PLCG2: variants seen among roughly 807,000 people sequenced by gnomAD.
PLCG2 encodes the protein phospholipase C gamma 2, also known as 1-phosphatidylinositol 4,5-bisphosphate phosphodiesterase gamma-2.
In PLCG2, 69 loss-of-function variants were observed where a neutral mutation model predicts 175.6. That is an observed-to-expected ratio of 0.39 (90% CI 0.32 to 0.48). The LOEUF (loss-of-function observed/expected upper bound fraction) is 0.48, where lower values mean the gene tolerates loss of function less well. PLCG2 is among the 20% of genes least tolerant of loss of function. The pLI, the probability that PLCG2 is intolerant of heterozygous loss-of-function variation, is 0.91. For missense variants in PLCG2, 1,798 were observed against 1,650.9 expected, an observed-to-expected ratio of 1.09 and a Z score of -1.54; for synonymous variants, 827 against 624.0, an observed-to-expected ratio of 1.33 and a Z score of -4.85.
At chr16:81,893,273 C>A (rs966730619) in intron 11 of PLCG2, among the ~76,000 whole-genome samples, 13 of 152,210 alleles carry the variant, frequency 8.5e-5, no homozygotes, top group Admixed American at 2.0e-4. Flanking sequence ...GCCGATTGCA[C>A]CAACAGTTGT....
chr16:81,882,399 G>C (rs1218136606), intron 8 of PLCG2, among the ~76,000 whole-genome samples: 2 of 152,122 alleles, frequency 1.3e-5, no homozygotes, highest in African/African-American at 4.8e-5. Flanking sequence ...CTGGAGTCTG[G>C]TGGGGCCTCA....
At chr16:81,942,697 G>A (rs545990537) in intron 30 of PLCG2, among the ~76,000 whole-genome samples, 89 of 152,178 alleles carry the variant, frequency 5.8e-4, no homozygotes, top group African/African-American at 1.9e-3. Context: ...CTTTGAGGCC[G>A]AGAGACTATG....
chr16:81,959,202 C>G lies in PLCG2; in HGVS notation c.*1204C>G. 4.4e-6 allele frequency: 1 copy of G among 226,048 alleles called. No individual in the cohort carries two copies. The highest frequency in any genetic ancestry group is 8.8e-6 in the Non-Finnish European group (1 of 113,540). The allele number at this position is 226,048 out of a possible 1,614,324, so 14.0% of individuals were successfully genotyped here. ...GGAAAAGGAGTGTAACTGTGAAAAA[C>G]GATGGCTGTGGTGGGGAAGAACAAA... On this transcript the variant is annotated 3_prime_UTR_variant, in exon 33 of 33. Transcript: ENST00000564138.
At chr16:81,830,623 AAAC>A (rs956343681) in intron 2 of PLCG2, among the ~76,000 whole-genome samples, 9 of 150,602 alleles carry the variant, frequency 6.0e-5, no homozygotes, top group African/African-American at 2.0e-4. Flanking sequence ...GTGTCTTAAA[AAAC>A]AACAACAAAA....
intron 2 of PLCG2, among the ~76,000 whole-genome samples, chr16:81,756,584 G>A (rs558450748): frequency 6.6e-6 from 1 of 152,308 alleles, no homozygotes. Flanking sequence ...GGACAGGGGA[G>A]GCCAGGCACA....
chr16:81,872,269 AGTGAG>A (rs1469269861), intron 7 of PLCG2, among the ~76,000 whole-genome samples: 27 of 152,222 alleles, frequency 1.8e-4, no homozygotes, highest in Non-Finnish European at 4.4e-5. Flanking sequence ...CGGAGGTTGC[AGTGAG>A]CCGAGATTGC....
chr16:81,744,052 G>T (rs1302437505), intron 1 of PLCG2, among the ~76,000 whole-genome samples: 1 of 151,738 alleles, frequency 6.6e-6, no homozygotes. Context: ...TAAAGACAGG[G>T]TTTCACTGTG....
chr16:81,956,580 G>A lies in PLCG2; in HGVS notation c.3571-115G>A, dbSNP rs993963521. The A allele has an allele frequency of 1.2e-5, 9 of 774,328 alleles. No individual in the cohort carries two copies. In the African/African-American group the frequency reaches 1.2e-4, roughly 10 times the overall value. 48.0% of individuals were successfully genotyped at this position (774,328 alleles called of 1,614,324 possible). Reference sequence around the variant, plus strand: ...CCCTGGCTCTTCTGGGCTAATCCAAGTTGCAAAACTTCTGCCCCATGCTCC... The same window carrying A: ...CCCTGGCTCTTCTGGGCTAATCCAAATTGCAAAACTTCTGCCCCATGCTCC... On this transcript the variant is annotated intron_variant, in intron 31 of 32. Transcript: ENST00000564138.
intron 5 of PLCG2, among the ~76,000 whole-genome samples, chr16:81,866,972 C>T (rs1907270947): frequency 6.6e-6 from 1 of 152,246 alleles, no homozygotes; most frequent in South Asian, 2.1e-4. Flanking sequence ...CAGCCAGCCC[C>T]AGCTGGCCCA....
At chr16:81,862,003 G>T (rs1186376084) in intron 5 of PLCG2, among the ~76,000 whole-genome samples, 1 of 152,232 alleles carries the variant, frequency 6.6e-6, no homozygotes, top group Non-Finnish European at 1.5e-5. Context: ...GCAGAGCCCT[G>T]CTCTCTGTCA....
chr16:81,957,128 G>C (rs1240237121), intron 32 of PLCG2, among the ~76,000 whole-genome samples: 1 of 151,922 alleles, frequency 6.6e-6, no homozygotes, highest in African/African-American at 2.4e-5. Flanking sequence ...GAGAAACCCT[G>C]TCTCTACTAA....
intron 22 of PLCG2, 26 bp from the exon 23 acceptor site, chr16:81,927,056 C>T (rs1396389872): frequency 9.4e-6 from 14 of 1,494,886 alleles, no homozygotes; most frequent in Non-Finnish European, 1.2e-5. Context: ...GGTGACAGCG[C>T]CCCCATGTCC....
chr16:81,806,274 C>T (rs1912018512), intron 2 of PLCG2, among the ~76,000 whole-genome samples: 1 of 151,972 alleles, frequency 6.6e-6, no homozygotes, highest in Non-Finnish European at 1.5e-5. Flanking sequence ...CCGTGGTCCC[C>T]AAGCAGCAAA....
chr16:81,938,042 T>C, intron 28 of PLCG2, 139 bp downstream of exon 28: 1 of 737,396 alleles, frequency 1.4e-6, no homozygotes, highest in Non-Finnish European at 2.2e-6. Flanking sequence ...AGGCAGTGTT[T>C]GAGGATCTTT....
intron 23 of PLCG2, 138 bp from the exon 24 acceptor site, chr16:81,928,420 T>C (rs1377766498): frequency 1.6e-6 from 1 of 644,848 alleles, no homozygotes; most frequent in Non-Finnish European, 2.9e-6. Context: ...TCTCTCCCCA[T>C]GGACGTATCT....
intron 22 of PLCG2, among the ~76,000 whole-genome samples, chr16:81,925,124 G>T (rs1047120764): frequency 1.3e-5 from 2 of 152,208 alleles, no homozygotes; most frequent in African/African-American, 4.8e-5. Context: ...GCCTCTGACA[G>T]GCAGTTCTCT....
At chr16:81,921,308 C>T (rs372066383) in intron 21 of PLCG2, 39 bp downstream of exon 21, 28 of 1,334,122 alleles carry the variant, frequency 2.1e-5, no homozygotes, top group Non-Finnish European at 2.9e-5. Flanking sequence ...ATTTTGGAGT[C>T]ACGAGGCTGA....
chr16:81,797,002 T>C (rs747712782), intron 2 of PLCG2, among the ~76,000 whole-genome samples: 2 of 152,210 alleles, frequency 1.3e-5, no homozygotes, highest in Non-Finnish European at 2.9e-5. Flanking sequence ...GGATGGGTTG[T>C]GGTTTGTCAT....
At chr16:81,782,895 C>A (rs1439701062) in intron 1 of PLCG2, among the ~76,000 whole-genome samples, 1 of 152,202 alleles carries the variant, frequency 6.6e-6, no homozygotes, top group Non-Finnish European at 1.5e-5. Flanking sequence ...CGGTGTCAGC[C>A]ACTGCAGGTG....
Sources: gnomAD v4.1 joint callset for allele counts (sites outside exome capture counted in the v4.1 genomes callset) on GRCh38, gnomAD v4.1.1 for gene constraint, MANE v1.5 for transcripts, NCBI Gene and HGNC (gene_info 2026-07-23, HGNC 2026-07-21) for gene names.